Variants in DDX10 observed in about 807,000 individuals in gnomAD.
The protein encoded by DDX10 is probable ATP-dependent RNA helicase DDX10.
A neutral mutation model predicts 104.3 loss-of-function variants in DDX10; 74 were observed. That is an observed-to-expected ratio of 0.71 (90% CI 0.59 to 0.86). The LOEUF (loss-of-function observed/expected upper bound fraction) is 0.86, where lower values mean the gene tolerates loss of function less well. DDX10 is among the 40% of genes least tolerant of loss of function. The probability of loss-of-function intolerance (pLI) is 0.00; values close to 1 mark genes in which losing one functional copy is unlikely to be tolerated. For synonymous variants in DDX10, 351 were observed against 353.4 expected, an observed-to-expected ratio of 0.99 and a Z score of 0.08; for missense variants, 952 against 1,040.0, an observed-to-expected ratio of 0.92 and a Z score of 1.16.
At chr11:108,866,197 G>A (rs904702349) in intron 16 of DDX10, among the ~76,000 whole-genome samples, 1 of 152,012 alleles carries the variant, frequency 6.6e-6, no homozygotes, top group East Asian at 1.9e-4. Context: ...ACAAATCCTG[G>A]GGAACAGCAA....
At chr11:108,721,118 T>A (rs1445950614) in intron 12 of DDX10, among the ~76,000 whole-genome samples, 2 of 152,186 alleles carry the variant, frequency 1.3e-5, no homozygotes, top group African/African-American at 4.8e-5. Context: ...TTTGAGTGCC[T>A]TTACCTTTAA....
intron 16 of DDX10, among the ~76,000 whole-genome samples, chr11:108,910,590 G>A (rs1225411592): frequency 6.6e-6 from 1 of 152,152 alleles, no homozygotes; most frequent in Non-Finnish European, 1.5e-5. Context: ...AGTCATTCCT[G>A]TTTTAGGTGA....
intron 13 of DDX10, among the ~76,000 whole-genome samples, chr11:108,733,138 T>A (rs1258674991): frequency 6.6e-6 from 1 of 151,946 alleles, no homozygotes; most frequent in Non-Finnish European, 1.5e-5. Context: ...TAGCTTTTTC[T>A]TTTTTTAGTA....
At chr11:108,882,810 A>G (rs1045133884) in intron 16 of DDX10, among the ~76,000 whole-genome samples, 16 of 152,318 alleles carry the variant, frequency 1.1e-4, no homozygotes, top group African/African-American at 3.6e-4. Flanking sequence ...ACATTAAACT[A>G]TACACGATAC....
Position 108,747,170 on chromosome 11 carries a change from T to TTTG in DDX10, c.1965+23709_1965+23711dup, listed in dbSNP as rs1447269548. 3.9e-5 allele frequency among the ~76,000 whole-genome samples: 6 copies of TTTG among 152,130 alleles called. No individual in the cohort carries two copies. The East Asian group carries it at 1.2e-3, about 29-fold the overall frequency. ...TAGATTAAGAGGCCCAGTATATGAA[T>TTTG]TTGAGCTTGACAGTAAAAACAGGGA... On this transcript the variant is annotated intron_variant, in intron 13 of 17. Coordinates refer to ENST00000322536, the MANE Select transcript of DDX10 (RefSeq NM_004398.4).
At chr11:108,762,480 A>G (rs1279911656) in intron 13 of DDX10, among the ~76,000 whole-genome samples, 1 of 152,238 alleles carries the variant, frequency 6.6e-6, no homozygotes, top group East Asian at 1.9e-4. Context: ...TCAGCAACCC[A>G]GGTTTAAAAA....
intron 11 of DDX10, among the ~76,000 whole-genome samples, chr11:108,719,559 C>G (rs1029597302): frequency 5.9e-5 from 9 of 152,078 alleles, no homozygotes; most frequent in African/African-American, 1.9e-4. Context: ...TTTAGAGTAG[C>G]CTTTTGGAAA....
At chr11:108,688,054 T>A (rs2094247093) in intron 6 of DDX10, among the ~76,000 whole-genome samples, 4 of 152,194 alleles carry the variant, frequency 2.6e-5, no homozygotes, top group Non-Finnish European at 5.9e-5. Context: ...GAATCTTCAT[T>A]CCTTTTTTAC....
intron 16 of DDX10, among the ~76,000 whole-genome samples, chr11:108,895,389 A>G (rs981014228): frequency 6.6e-6 from 1 of 151,740 alleles, no homozygotes; most frequent in Non-Finnish European, 1.5e-5. Flanking sequence ...TTATTAAGTG[A>G]TCTTTTCCTA....
chr11:108,832,247 A>C (rs1185400866), intron 13 of DDX10, among the ~76,000 whole-genome samples: 1 of 152,192 alleles, frequency 6.6e-6, no homozygotes, highest in East Asian at 1.9e-4. Context: ...CTGCACTTTA[A>C]GAAGTTAAAT....
intron 13 of DDX10, among the ~76,000 whole-genome samples, chr11:108,836,903 C>T (rs149749762): frequency 1.4e-4 from 21 of 152,234 alleles, no homozygotes; most frequent in East Asian, 9.6e-4. Flanking sequence ...GTGACCAATG[C>T]GCTGCTTCCC....
At chr11:108,828,642 A>G (rs1591829007) in intron 13 of DDX10, among the ~76,000 whole-genome samples, 1 of 152,050 alleles carries the variant, frequency 6.6e-6, no homozygotes, top group East Asian at 1.9e-4. Context: ...CTACAGTTTA[A>G]TTTTAAGACT....
intron 13 of DDX10, among the ~76,000 whole-genome samples, chr11:108,810,653 A>C (rs1043502385): frequency 1.3e-5 from 2 of 152,186 alleles, no homozygotes; most frequent in Non-Finnish European, 2.9e-5. Context: ...TTTATGTTTC[A>C]ACGGAACCTG....
At chr11:108,760,015 AAG>A (rs1185520651) in intron 13 of DDX10, among the ~76,000 whole-genome samples, 1 of 151,888 alleles carries the variant, frequency 6.6e-6, no homozygotes, top group African/African-American at 2.4e-5. Flanking sequence ...AAAAAAAAAA[AAG>A]AATCTCACAC....
At chr11:108,754,602 A>G (rs1421938796) in intron 13 of DDX10, among the ~76,000 whole-genome samples, 2 of 152,066 alleles carry the variant, frequency 1.3e-5, no homozygotes, top group African/African-American at 2.4e-5. Context: ...GATTAAAAGC[A>G]CTTGGAAATG....
At chr11:108,669,468 G>C (rs2094214250) in intron 1 of DDX10, among the ~76,000 whole-genome samples, 1 of 152,156 alleles carries the variant, frequency 6.6e-6, no homozygotes, top group Non-Finnish European at 1.5e-5. Flanking sequence ...AGGGAACATG[G>C]GGAAATACAG....
At chr11:108,706,173 C>A (rs577704213) in intron 9 of DDX10, among the ~76,000 whole-genome samples, 1 of 151,932 alleles carries the variant, frequency 6.6e-6, no homozygotes, top group African/African-American at 2.4e-5. Flanking sequence ...GGTTTCACCA[C>A]GTTGGCCACA....
chr11:108,685,394 G>A lies in DDX10; in HGVS notation c.849-3542G>A, dbSNP rs112741321. Among the ~76,000 whole-genome samples, 1,044 of 151,462 alleles carry A rather than the reference G, an allele frequency of 6.9e-3. 9 individuals carry two copies. Among genetic ancestry groups the A allele is most frequent in the African/African-American group, 0.023 (933 of 41,246 alleles). On this transcript the variant is annotated intron_variant, in intron 6 of 17. Coordinates refer to ENST00000322536, the MANE Select transcript of DDX10 (RefSeq NM_004398.4). ...AATGCCTCGCCCTGCTTCGGCTCGC[G>A]CACGGTGCGCACACACACTGGCCTG...
chr11:108,758,352 T>G (rs890364971), intron 13 of DDX10, among the ~76,000 whole-genome samples: 6 of 152,190 alleles, frequency 3.9e-5, no homozygotes, highest in African/African-American at 1.4e-4. Flanking sequence ...TGAAATAAAC[T>G]TAGCAGTAAA....
Sources: gnomAD v4.1 joint callset for allele counts (sites outside exome capture counted in the v4.1 genomes callset) on GRCh38, gnomAD v4.1.1 for gene constraint, MANE v1.5 for transcripts, NCBI Gene and HGNC (gene_info 2026-07-23, HGNC 2026-07-21) for gene names.